The following BBS9 variants were observed in gnomAD, a reference collection of about 807,000 sequenced individuals.
BBS9 encodes Bardet-Biedl syndrome 9.
BBS9 carries 89 observed loss-of-function variants against 117.7 expected under a neutral mutation model. The ratio of observed to expected loss-of-function variants is 0.76; its 90% CI spans 0.64 to 0.90. The LOEUF (loss-of-function observed/expected upper bound fraction) is 0.90, where lower values mean the gene tolerates loss of function less well. Ranked by LOEUF, BBS9 falls within the 40% of genes least tolerant of loss-of-function variation. The pLI, the probability that BBS9 is intolerant of heterozygous loss-of-function variation, is 0.00. For synonymous variants in BBS9, 379 were observed against 370.9 expected (o/e 1.02, Z -0.25); for missense variants, 982 against 1,042.2 (o/e 0.94, Z 0.80).
chr7:33,192,733 G>A (rs1784329178), intron 5 of BBS9, among the ~76,000 whole-genome samples: 1 of 152,222 alleles, frequency 6.6e-6, no homozygotes, highest in African/African-American at 2.4e-5. Flanking sequence ...AGGCTGGGAA[G>A]TCCAAAATCA....
At chr7:33,150,217 A>AG (rs1486937652) in intron 2 of BBS9, among the ~76,000 whole-genome samples, 1 of 152,232 alleles carries the variant, frequency 6.6e-6, no homozygotes, top group Non-Finnish European at 1.5e-5. Context: ...ATGTTTCTGC[A>AG]GAGTACCAAA....
chr7:33,209,097 C>T (rs768899173), intron 5 of BBS9, among the ~76,000 whole-genome samples: 2 of 152,142 alleles, frequency 1.3e-5, no homozygotes, highest in Non-Finnish European at 2.9e-5. Context: ...CCCCATCCCC[C>T]AACTACCCTT....
chr7:33,261,654 C>T (rs1798001421), intron 6 of BBS9, among the ~76,000 whole-genome samples: 1 of 152,148 alleles, frequency 6.6e-6, no homozygotes, highest in Non-Finnish European at 1.5e-5. Flanking sequence ...CTCTGTGATG[C>T]CTCAATCTAT....
chr7:33,429,656 A>G (rs761649912), intron 19 of BBS9, among the ~76,000 whole-genome samples: 5 of 152,104 alleles, frequency 3.3e-5, no homozygotes, highest in Non-Finnish European at 5.9e-5. Context: ...TCAGAATTGA[A>G]AAAAATAAAT....
chr7:33,414,387 C>T (rs1034929291), intron 19 of BBS9, among the ~76,000 whole-genome samples: 3 of 151,984 alleles, frequency 2.0e-5, no homozygotes, highest in African/African-American at 7.2e-5. Flanking sequence ...TTAAACAAAG[C>T]TTTTTAAAAT....
At chr7:33,458,824 C>T (rs1839026429) in intron 19 of BBS9, among the ~76,000 whole-genome samples, 1 of 152,100 alleles carries the variant, frequency 6.6e-6, no homozygotes, top group Non-Finnish European at 1.5e-5. Context: ...ACTCTGGGCT[C>T]AGTGAGTTTT....
intron 19 of BBS9, among the ~76,000 whole-genome samples, chr7:33,449,075 A>G (rs1837401387): frequency 6.6e-6 from 1 of 152,210 alleles, no homozygotes; most frequent in East Asian, 1.9e-4. Flanking sequence ...ACTGCCTGTC[A>G]ATAAATATTG....
At chr7:33,510,339 T>C (rs1214746677) in intron 20 of BBS9, among the ~76,000 whole-genome samples, 1 of 151,964 alleles carries the variant, frequency 6.6e-6, no homozygotes, top group Non-Finnish European at 1.5e-5. Context: ...GAAAATACTT[T>C]ATCTGCTAAG....
At chr7:33,283,664 A>G (rs1054831724) in intron 9 of BBS9, among the ~76,000 whole-genome samples, 2 of 151,926 alleles carry the variant, frequency 1.3e-5, no homozygotes, top group Non-Finnish European at 2.9e-5. Flanking sequence ...TTTGCTATGG[A>G]GATTTTCTGT....
At chr7:33,133,148 A>C (rs1184377139) in intron 1 of BBS9, among the ~76,000 whole-genome samples, 3 of 152,076 alleles carry the variant, frequency 2.0e-5, no homozygotes, top group Non-Finnish European at 4.4e-5. Context: ...ATGAAAGTTT[A>C]TGGGGAATTT....
chr7:33,625,005 C>T lies in BBS9; in HGVS notation c.2522-10172C>T, dbSNP rs73314661. ...CCAGTACTCTCAGTAGATGTGTCTG[C>T]TAGGCTTCATTGACACCAACCAATG... is the stretch of plus-strand genomic sequence containing the variant. On this transcript the variant is annotated intron_variant, in intron 21 of 21. Coordinates refer to the BBS9 transcript ENST00000671952. Among the ~76,000 whole-genome samples, 1,489 of 152,244 alleles carry T rather than the reference C, an allele frequency of 9.8e-3. 24 individuals carry two copies. Among genetic ancestry groups the T allele is most frequent in the African/African-American group, 0.034 (1,414 of 41,536 alleles).
At chr7:33,214,591 G>C (rs1020491871) in intron 5 of BBS9, among the ~76,000 whole-genome samples, 2 of 152,134 alleles carry the variant, frequency 1.3e-5, no homozygotes, top group African/African-American at 4.8e-5. Context: ...CCTGCCTGTA[G>C]GCTTCTAATC....
chr7:33,496,676 A>G (rs1419358355), intron 19 of BBS9, among the ~76,000 whole-genome samples: 1 of 152,170 alleles, frequency 6.6e-6, no homozygotes, highest in Non-Finnish European at 1.5e-5. Context: ...TAAGAATTAG[A>G]TTCTTGCTAT....
rs142434516 is a variant in BBS9 at position 33,533,991 on chromosome 7, T to G, written c.2336T>G (p.Leu779Arg). Reference protein sequence around the residue: ...EETVDAAISHLLKTCLSKSSK... With the variant: ...EETVDAAISHRLKTCLSKSSK... ...ACGGTGGATGCCGCCATTTCCCACCTGTTGAAGACTTGCCTGTCGAAGAGT... is the reference window on the plus strand; with the variant it reads ...ACGGTGGATGCCGCCATTTCCCACCGGTTGAAGACTTGCCTGTCGAAGAGT... Residue 779 changes from leucine to arginine, a missense_variant, in exon 21 of 23, where the codon CTG becomes CGG. Transcript: ENST00000242067. 1 of 1,614,250 alleles carries G rather than the reference T, an allele frequency of 6.2e-7. No individual in the cohort carries two copies. The highest frequency in any genetic ancestry group is 8.5e-7 in the Non-Finnish European group (1 of 1,180,042).
At chr7:33,167,434 G>A (rs1795873676) in intron 4 of BBS9, among the ~76,000 whole-genome samples, 2 of 145,240 alleles carry the variant, frequency 1.4e-5, no homozygotes, top group South Asian at 2.2e-4. Context: ...ATGGAGTCTA[G>A]CTCTGTTGCC....
At chr7:33,407,252 A>C (rs1192712396) in intron 19 of BBS9, among the ~76,000 whole-genome samples, 1 of 151,930 alleles carries the variant, frequency 6.6e-6, no homozygotes, top group Non-Finnish European at 1.5e-5. Flanking sequence ...TGCATTCTTC[A>C]CTTAGTTCTC....
intron 21 of BBS9, among the ~76,000 whole-genome samples, chr7:33,560,355 A>G (rs1176911439): frequency 6.6e-6 from 1 of 152,190 alleles, no homozygotes; most frequent in Non-Finnish European, 1.5e-5. Context: ...CACATTACAA[A>G]CAATTCAACT....
intron 21 of BBS9, among the ~76,000 whole-genome samples, chr7:33,585,367 T>G (rs1160746783): frequency 1.3e-5 from 2 of 152,116 alleles, no homozygotes; most frequent in Non-Finnish European, 2.9e-5. Context: ...GAACTCAGAT[T>G]GTTTGGACAG....
At chr7:33,228,110 T>C (rs1318425811) in intron 5 of BBS9, among the ~76,000 whole-genome samples, 1 of 152,184 alleles carries the variant, frequency 6.6e-6, no homozygotes, top group Non-Finnish European at 1.5e-5. Flanking sequence ...TAAAAGTGTT[T>C]CTTTTTCACC....
Sources: gnomAD v4.1 joint callset for allele counts (sites outside exome capture counted in the v4.1 genomes callset) on GRCh38, gnomAD v4.1.1 for gene constraint, MANE v1.5 for transcripts, NCBI Gene and HGNC (gene_info 2026-07-23, HGNC 2026-07-21) for gene names.